Variants in PNLIPRP1 observed in about 807,000 individuals in gnomAD.
PNLIPRP1 encodes the protein pancreatic lipase related protein 1.
A neutral mutation model predicts 54.6 loss-of-function variants in PNLIPRP1; 57 were observed. The ratio of observed to expected loss-of-function variants is 1.04; its 90% confidence interval spans 0.84 to 1.30. The LOEUF (loss-of-function observed/expected upper bound fraction) is 1.30. Ranked by LOEUF, PNLIPRP1 falls within the 50% of genes most tolerant of loss-of-function variation. The pLI is 0.00. For missense variants in PNLIPRP1, 567 were observed against 568.5 expected (o/e 1.00, Z 0.03); for synonymous variants, 232 against 208.8 (o/e 1.11, Z -0.96).
chr10:116,601,775 A>G (rs1255696213), intron 10 of PNLIPRP1, among the ~76,000 whole-genome samples: 3 of 152,194 alleles, frequency 2.0e-5, no homozygotes, highest in Non-Finnish European at 4.4e-5. Flanking sequence ...ACTTTGTACC[A>G]ACCTGCCCCA....
Position 116,595,278 on chromosome 10 carries a change from G to A in PNLIPRP1, c.465+414G>A, listed in dbSNP as rs74961758. On this transcript the variant is annotated intron_variant, in intron 5 of 12. Coordinates refer to ENST00000358834, the MANE Select transcript of PNLIPRP1 (RefSeq NM_006229.4). ...GCCACAGAGAGCCAACGGACAGTAC[G>A]TGCAATTGGCATGTACCAGCTCTAC... 1.5e-5 allele frequency: 3 copies of A among 198,886 alleles called. No individual in the cohort carries two copies. The East Asian group carries it at 3.6e-4, about 24-fold the overall frequency. 12.3% of individuals were successfully genotyped at this position (198,886 alleles called of 1,614,324 possible). A position where few individuals can be genotyped will look rare whatever the true frequency, so the allele number is the denominator to read the frequency against.
intron 4 of PNLIPRP1, chr10:116,593,072 G>T: frequency 5.9e-6 from 1 of 168,634 alleles, no homozygotes; most frequent in Non-Finnish European, 1.3e-5. Flanking sequence ...GGAGGCTGAG[G>T]CAGGAAAATT....
intron 10 of PNLIPRP1, among the ~76,000 whole-genome samples, 176 bp downstream of exon 10, chr10:116,601,377 C>G (rs1476592780): frequency 1.3e-5 from 2 of 152,122 alleles, no homozygotes; most frequent in African/African-American, 4.8e-5. Context: ...ACAGAGTGTG[C>G]ATTTCTTCCG....
intron 4 of PNLIPRP1, chr10:116,594,358 T>A (rs1554863650): frequency 5.8e-6 from 3 of 519,780 alleles, no homozygotes; most frequent in Non-Finnish European, 1.1e-5. Context: ...CCCCTTACAG[T>A]CAAATCCACA....
At position 116,605,496 on chromosome 10, in the gene PNLIPRP1, C is replaced by T; in HGVS notation, c.1283C>T (p.Thr428Ile). 4 of 1,611,206 alleles carry T rather than the reference C, an allele frequency of 2.5e-6. No individual in the cohort carries two copies. The highest frequency in any genetic ancestry group is 3.4e-6 in the Non-Finnish European group (4 of 1,177,938). Residue 428 changes from threonine (T) to isoleucine (I), a missense_variant, in exon 12 of 13, where the codon ACC (threonine) becomes ATC (isoleucine). By Grantham distance (89) the Thr-to-Ile change is moderately conservative. Transcript: ENST00000358834. ...TGGAATAACAATGTGATAAATCCAA[C>T]CCTCCCCAAAGTGGGTGCCACCAAG... ...FLWNNNVINP[T>I]LPKVGATKIT...
chr10:116,607,153 C>T (rs1462575548), intron 12 of PNLIPRP1, among the ~76,000 whole-genome samples: 13 of 151,984 alleles, frequency 8.6e-5, no homozygotes, highest in Non-Finnish European at 1.5e-4. Context: ...AGGAATCTGC[C>T]GACTAGGATT....
At chr10:116,597,200 G>A (rs1307729748) in intron 6 of PNLIPRP1, among the ~76,000 whole-genome samples, 8 of 152,136 alleles carry the variant, frequency 5.3e-5, no homozygotes, top group African/African-American at 1.9e-4. Context: ...CTACTAAGAA[G>A]GAAATTTGTC....
At chr10:116,591,108 A>G (rs782267982) in intron 1 of PNLIPRP1, 22 bp from the exon 2 acceptor site, 3 of 1,609,306 alleles carry the variant, frequency 1.9e-6, no homozygotes, top group Non-Finnish European at 1.7e-6. Flanking sequence ...GTGAGACTGA[A>G]TTATGTTTAA....
At position 116,601,155 on chromosome 10, in the gene PNLIPRP1, G is replaced by C. The variant is rs782189867; in HGVS notation, c.1017G>C (p.Glu339Asp). Residue 339 changes from glutamate (E) to aspartate (D), a missense_variant, in exon 10 of 13, where the codon GAG becomes GAC. Transcript: ENST00000358834. ...AATTTGCTGGCAGGACAAGTGAAGAGCAGCAGAAATTCTTCTTGAACACAG... is the reference window on the plus strand; with the variant it reads ...AATTTGCTGGCAGGACAAGTGAAGACCAGCAGAAATTCTTCTTGAACACAG... ...ADKFAGRTSE[E>D]QQKFFLNTGE... 6.2e-7 allele frequency: 1 copy of C among 1,614,130 alleles called. No individual in the cohort carries two copies. Among genetic ancestry groups the C allele is most frequent in the South Asian group, 1.1e-5 (1 of 91,066 alleles).
intron 3 of PNLIPRP1, 52 bp from the exon 4 acceptor site, chr10:116,592,364 G>C (rs1474473340): frequency 6.5e-7 from 1 of 1,538,198 alleles, no homozygotes; most frequent in African/African-American, 1.4e-5. Context: ...GAAGGAAAAA[G>C]GCCTGTGAGG....
At chr10:116,603,623 T>C (rs71472899) in intron 10 of PNLIPRP1, among the ~76,000 whole-genome samples, 2 of 152,192 alleles carry the variant, frequency 1.3e-5, no homozygotes, top group African/African-American at 4.8e-5. Context: ...CTGGGTGTGG[T>C]GGCTCACGCC....
intron 10 of PNLIPRP1, among the ~76,000 whole-genome samples, chr10:116,603,045 A>G (rs1460012719): frequency 6.6e-6 from 1 of 152,088 alleles, no homozygotes; most frequent in Non-Finnish European, 1.5e-5. Context: ...ATGTTTGTGT[A>G]TATGTATTTG....
rs1847702166 is a variant in PNLIPRP1 at position 116,594,669 on chromosome 10, G to A, written c.331-61G>A. On this transcript the variant is annotated intron_variant, in intron 4 of 12. Coordinates refer to ENST00000358834, the MANE Select transcript of PNLIPRP1 (RefSeq NM_006229.4). ...GAGAAGTGGCCATTTCTGAGCCCTG[G>A]CTGGATAAGGTTTCCCCTGCTCCCA... 7 of 1,596,194 alleles carry A rather than the reference G, an allele frequency of 4.4e-6. No individual in the cohort carries two copies. The East Asian group carries it at 1.3e-4, about 31-fold the overall frequency.
chr10:116,592,481 G>A lies in PNLIPRP1; in HGVS notation c.270G>A (p.Arg90=), dbSNP rs1206215161. Residue 90 remains arginine (R), a synonymous_variant, in exon 4 of 13, where the codon CGG becomes CGA. Coordinates refer to ENST00000358834, the MANE Select transcript of PNLIPRP1 (RefSeq NM_006229.4). ...ASNFQMDRKT[R]FIIHGFIDKG... is the part of the protein sequence containing the mutation. ...ATTTTCAAATGGACAGAAAGACCCG[G>A]TTCATCATCCATGGCTTCATAGACA... is the stretch of plus-strand genomic sequence containing the variant. 1.9e-6 allele frequency: 3 copies of A among 1,614,076 alleles called. No homozygotes were observed. In the South Asian group the frequency reaches 3.3e-5, roughly 18 times the overall value.
chr10:116,596,158 C>G (rs1051456687), intron 5 of PNLIPRP1, 56 bp from the exon 6 acceptor site: 3 of 1,180,294 alleles, frequency 2.5e-6, no homozygotes, highest in African/African-American at 3.0e-5. Flanking sequence ...ATTAGGCTGG[C>G]ATTTTAGAAA....
At chr10:116,598,290 G>A in intron 8 of PNLIPRP1, 124 bp downstream of exon 8, 1 of 972,432 alleles carries the variant, frequency 1.0e-6, no homozygotes, top group Non-Finnish European at 1.5e-6. Context: ...TCCCTCTTCT[G>A]GGGATTATTT....
At chr10:116,606,551 C>G (rs1847940210) in intron 12 of PNLIPRP1, among the ~76,000 whole-genome samples, 1 of 152,086 alleles carries the variant, frequency 6.6e-6, no homozygotes, top group African/African-American at 2.4e-5. Flanking sequence ...TCCCCAAGGC[C>G]CCATTAGCAA....
intron 6 of PNLIPRP1, among the ~76,000 whole-genome samples, chr10:116,597,401 G>T (rs34708330): frequency 0.075 from 11,342 of 152,172 alleles, 798 homozygotes; most frequent in East Asian, 0.4. Context: ...CATGCATCTT[G>T]CCCCAAAAGC....
At chr10:116,594,243 A>G in intron 4 of PNLIPRP1, 1 of 453,112 alleles carries the variant, frequency 2.2e-6, no homozygotes, top group Middle Eastern at 3.3e-4. Context: ...TCAAATATCT[A>G]CATGTGTCTA....
Sources: allele counts gnomAD v4.1 joint callset (sites outside exome capture counted in the v4.1 genomes callset), GRCh38; gene constraint gnomAD v4.1.1; transcripts MANE v1.5; gene names NCBI Gene and HGNC (gene_info 2026-07-23, HGNC 2026-07-21).